Variants in ST8SIA6 observed in about 807,000 individuals in gnomAD.
ST8SIA6 encodes ST8 alpha-N-acetyl-neuraminide alpha-2,8-sialyltransferase 6.
A neutral mutation model predicts 33.6 loss-of-function variants in ST8SIA6; 39 were observed. That is an observed-to-expected ratio of 1.16 (90% confidence interval 0.90 to 1.52). The LOEUF (loss-of-function observed/expected upper bound fraction) is 1.52. ST8SIA6 is among the 40% of genes most tolerant of loss of function. The probability of loss-of-function intolerance (pLI) is 0.00; values close to 1 mark genes in which losing one functional copy is unlikely to be tolerated. For missense variants in ST8SIA6, 441 were observed against 443.8 expected (o/e 0.99, Z 0.06); for synonymous variants, 172 against 167.2 (o/e 1.03, Z -0.22).
intron 3 of ST8SIA6, among the ~76,000 whole-genome samples, chr10:17,385,094 C>A (rs1421734495): frequency 1.3e-5 from 2 of 152,096 alleles, no homozygotes; most frequent in Non-Finnish European, 2.9e-5. Flanking sequence ...AGGAAAATAT[C>A]TTGGGCCTCC....
intron 2 of ST8SIA6, among the ~76,000 whole-genome samples, chr10:17,438,998 C>G (rs1031440751): frequency 1.3e-5 from 2 of 152,118 alleles, no homozygotes; most frequent in Admixed American, 1.3e-4. Context: ...ACTGCTTTAC[C>G]CAAAATGTGC....
At chr10:17,453,718 GC>G in intron 1 of ST8SIA6, 61 bp from the exon 2 acceptor site, 1 of 1,199,074 alleles carries the variant, frequency 8.3e-7, no homozygotes, top group Non-Finnish European at 1.1e-6. Context: ...TGGCTGAAAG[GC>G]TGGGAGTCGC....
chr10:17,346,623 T>G (rs999155111), intron 4 of ST8SIA6, among the ~76,000 whole-genome samples: 2 of 151,828 alleles, frequency 1.3e-5, no homozygotes, highest in African/African-American at 4.8e-5. Flanking sequence ...ACAAAAAAAT[T>G]CCCCAGCTGA....
At chr10:17,331,342 G>A in intron 5 of ST8SIA6, 66 bp downstream of exon 5, 14 of 1,520,950 alleles carry the variant, frequency 9.2e-6, no homozygotes, top group Non-Finnish European at 1.2e-5. Flanking sequence ...GTAAGTTACA[G>A]CTTAAAGTAA....
At chr10:17,376,663 A>G (rs1167527155) in intron 3 of ST8SIA6, among the ~76,000 whole-genome samples, 1 of 152,238 alleles carries the variant, frequency 6.6e-6, no homozygotes, top group African/African-American at 2.4e-5. Flanking sequence ...TTCTAAAAAT[A>G]CAGGCAAGAA....
At chr10:17,323,900 T>C (rs1353037837) in intron 6 of ST8SIA6, among the ~76,000 whole-genome samples, 1 of 152,144 alleles carries the variant, frequency 6.6e-6, no homozygotes, top group Non-Finnish European at 1.5e-5. Flanking sequence ...ACTAAAGTTA[T>C]ACAGTCTGCC....
chr10:17,345,287 C>A (rs1412139045), intron 4 of ST8SIA6, among the ~76,000 whole-genome samples: 1 of 152,208 alleles, frequency 6.6e-6, no homozygotes, highest in African/African-American at 2.4e-5. Context: ...ACTCCCTAAT[C>A]TTGTGTTTAT....
intron 3 of ST8SIA6, among the ~76,000 whole-genome samples, chr10:17,372,776 T>G (rs1263095991): frequency 6.6e-6 from 1 of 152,218 alleles, no homozygotes; most frequent in African/African-American, 2.4e-5. Flanking sequence ...CAGTAAACAT[T>G]CATTATTGCA....
chr10:17,433,234 A>C (rs1220444851), intron 2 of ST8SIA6, among the ~76,000 whole-genome samples: 2 of 152,180 alleles, frequency 1.3e-5, no homozygotes, highest in Non-Finnish European at 2.9e-5. Flanking sequence ...ACAATAACAC[A>C]TTTTTATATC....
At chr10:17,418,426 C>T (rs529098571) in intron 2 of ST8SIA6, among the ~76,000 whole-genome samples, 2 of 152,260 alleles carry the variant, frequency 1.3e-5, no homozygotes, top group African/African-American at 4.8e-5. Flanking sequence ...GTTGTGCTTC[C>T]TGAAATACCA....
At chr10:17,359,414 T>G in intron 4 of ST8SIA6, 100 bp downstream of exon 4, 1 of 846,854 alleles carries the variant, frequency 1.2e-6, no homozygotes, top group South Asian at 1.9e-5. Flanking sequence ...CCAGCTGGGG[T>G]TGGTTCTACT....
At position 17,318,104 on chromosome 10, in the gene ST8SIA6, T is replaced by C. The variant is rs1448944377; in HGVS notation, c.*2774A>G. 2.0e-5 allele frequency among the ~76,000 whole-genome samples: 3 copies of C among 152,360 alleles called. 1 individual carries two copies. ...ATTGGAATCTTGTTATTCTGTTTCATTGCTCAATGAGGCTGAACAACAAGT... is the reference window on the plus strand; with the variant it reads ...ATTGGAATCTTGTTATTCTGTTTCACTGCTCAATGAGGCTGAACAACAAGT... On this transcript the variant is annotated 3_prime_UTR_variant, in exon 8 of 8. Transcript: ENST00000377602.
Position 17,320,715 on chromosome 10 carries a change from T to G in ST8SIA6, c.*163A>C. 1 of 635,378 alleles carries G rather than the reference T, an allele frequency of 1.6e-6. No homozygotes were observed. The highest frequency in any genetic ancestry group is 2.7e-6 in the Non-Finnish European group (1 of 364,894). 39.4% of individuals were successfully genotyped at this position (635,378 alleles called of 1,614,324 possible). ...GAGAAAAAATGAAGATGAGAAGGATTGAATGACTTGCCATCATTGCAAAAT... is the reference window on the plus strand; with the variant it reads ...GAGAAAAAATGAAGATGAGAAGGATGGAATGACTTGCCATCATTGCAAAAT... On this transcript the variant is annotated 3_prime_UTR_variant, in exon 8 of 8. Transcript: ENST00000377602.
chr10:17,423,499 G>C (rs984635771), intron 2 of ST8SIA6, among the ~76,000 whole-genome samples: 1 of 152,118 alleles, frequency 6.6e-6, no homozygotes, highest in African/African-American at 2.4e-5. Context: ...TTACATTACA[G>C]GTGCTCCAAA....
chr10:17,324,950 AAC>A (rs1319481268), intron 6 of ST8SIA6, among the ~76,000 whole-genome samples: 2 of 145,670 alleles, frequency 1.4e-5, no homozygotes, highest in Non-Finnish European at 3.0e-5. Flanking sequence ...ATACATATAT[AAC>A]ACATAATGTG....
chr10:17,340,413 T>C (rs1848636664), intron 4 of ST8SIA6, among the ~76,000 whole-genome samples: 1 of 152,038 alleles, frequency 6.6e-6, no homozygotes, highest in South Asian at 2.1e-4. Context: ...CTGCCAAAAC[T>C]GCTCACCCCG....
At chr10:17,437,500 A>G (rs1852310737) in intron 2 of ST8SIA6, among the ~76,000 whole-genome samples, 1 of 151,642 alleles carries the variant, frequency 6.6e-6, no homozygotes, top group Non-Finnish European at 1.5e-5. Context: ...TGATTTCAGC[A>G]TACTTGGTGT....
intron 4 of ST8SIA6, among the ~76,000 whole-genome samples, chr10:17,339,997 C>T (rs1848621772): frequency 6.6e-6 from 1 of 152,158 alleles, no homozygotes; most frequent in Non-Finnish European, 1.5e-5. Flanking sequence ...AGAAAGATGA[C>T]TTGTAAGGCA....
rs1376123040 is a variant in ST8SIA6 at position 17,333,710 on chromosome 10, T to G, written c.378-2158A>C. On this transcript the variant is annotated intron_variant, in intron 4 of 7. Transcript: ENST00000377602. Reference sequence around the variant, plus strand: ...ATATATATATATATATATATATATATATATATATTTTTTTTTTTTTTTTTT... The same window carrying G: ...ATATATATATATATATATATATATAGATATATATTTTTTTTTTTTTTTTTT... Among the ~76,000 whole-genome samples, 11 of 35,092 alleles carry G rather than the reference T, an allele frequency of 3.1e-4. 2 individuals carry two copies. Among genetic ancestry groups the G allele is most frequent in the South Asian group, 3.1e-3 (4 of 1,280 alleles). 23.0% of individuals were successfully genotyped at this position (35,092 alleles called of 152,430 possible).
Sources: allele counts gnomAD v4.1 joint callset (sites outside exome capture counted in the v4.1 genomes callset), GRCh38; gene constraint gnomAD v4.1.1; transcripts MANE v1.5; gene names NCBI Gene and HGNC (gene_info 2026-07-23, HGNC 2026-07-21).